Variants in CLEC6A observed in about 807,000 individuals in gnomAD.
CLEC6A encodes the protein C-type lectin domain containing 6A.
In CLEC6A, 22 loss-of-function variants were observed where a neutral mutation model predicts 25.7. That is an observed-to-expected ratio of 0.85 (90% CI 0.61 to 1.22). The LOEUF (loss-of-function observed/expected upper bound fraction) is 1.22, where lower values mean the gene tolerates loss of function less well. Ranked by LOEUF, CLEC6A falls within the 50% of genes most tolerant of loss-of-function variation. The probability of loss-of-function intolerance (pLI) is 0.00; values close to 1 mark genes in which losing one functional copy is unlikely to be tolerated. For missense variants in CLEC6A, 240 were observed against 236.8 expected, an observed-to-expected ratio of 1.01 and a Z score of -0.09; for synonymous variants, 92 against 76.7, an observed-to-expected ratio of 1.20 and a Z score of -1.04.
At chr12:8,460,041 T>C (rs2136357319) in intron 3 of CLEC6A, among the ~76,000 whole-genome samples, 1 of 152,332 alleles carries the variant, frequency 6.6e-6, no homozygotes, top group South Asian at 2.1e-4. Context: ...ATTTAAGGTT[T>C]CCAATTAATA....
chr12:8,466,720 A>G (rs1446252719), intron 4 of CLEC6A, among the ~76,000 whole-genome samples: 2 of 151,902 alleles, frequency 1.3e-5, no homozygotes, highest in Non-Finnish European at 2.9e-5. Flanking sequence ...CAGTGGCGCA[A>G]TCTCAGCTCA....
intron 4 of CLEC6A, among the ~76,000 whole-genome samples, chr12:8,468,820 C>T (rs139401380): frequency 1.7e-3 from 258 of 152,264 alleles, no homozygotes; most frequent in African/African-American, 5.4e-3. Flanking sequence ...GACAAACCTA[C>T]AGCCAACATT....
At chr12:8,467,389 A>G (rs755863153) in intron 4 of CLEC6A, among the ~76,000 whole-genome samples, 22 of 152,236 alleles carry the variant, frequency 1.4e-4, no homozygotes, top group Non-Finnish European at 1.5e-4. Context: ...TAAGGATTCA[A>G]CTTGATTATT....
intron 3 of CLEC6A, among the ~76,000 whole-genome samples, chr12:8,464,370 C>T (rs1214600404): frequency 6.6e-6 from 1 of 151,024 alleles, no homozygotes; most frequent in Non-Finnish European, 1.5e-5. Context: ...CTCTCTGTCG[C>T]CCAGGCTGGA....
intron 4 of CLEC6A, among the ~76,000 whole-genome samples, chr12:8,469,966 CA>C (rs1378286147): frequency 6.6e-6 from 1 of 152,126 alleles, no homozygotes; most frequent in Non-Finnish European, 1.5e-5. Context: ...CTTTGCACAG[CA>C]AAAGAAATAA....
chr12:8,474,059 GA>G (rs1939940390), intron 4 of CLEC6A, among the ~76,000 whole-genome samples: 1 of 152,080 alleles, frequency 6.6e-6, no homozygotes. Flanking sequence ...CTTTTGCTAA[GA>G]AGCATTTTAG....
In CLEC6A at chr12:8,459,513, G is replaced by A. The variant is rs1939724207; in HGVS notation, c.122-84G>A. The A allele has an allele frequency of 9.8e-6, 8 of 814,644 alleles. No homozygotes were observed. In the Admixed American group the frequency reaches 1.5e-4, roughly 15 times the overall value. The allele number at this position is 814,644 out of a possible 1,614,324, so 50.5% of individuals were successfully genotyped here. A position where few individuals can be genotyped will look rare whatever the true frequency, so the allele number is the denominator to read the frequency against. ...AGAGAAACAGCAGTGGGGGTCAGAG[G>A]TAAGCCAGCACTGTACAGATATAGA... On this transcript the variant is annotated intron_variant, in intron 2 of 5. Coordinates refer to ENST00000382073, the MANE Select transcript of CLEC6A (RefSeq NM_001007033.2).
chr12:8,458,018 G>A (rs1475171399), intron 2 of CLEC6A, 31 bp downstream of exon 2: 4 of 1,488,796 alleles, frequency 2.7e-6, no homozygotes, highest in Non-Finnish European at 3.8e-6. Flanking sequence ...CATTTTCCTT[G>A]CTTCCTTTCC....
chr12:8,460,640 A>T (rs1019680223), intron 3 of CLEC6A: 13 of 1,467,560 alleles, frequency 8.9e-6, no homozygotes, highest in African/African-American at 1.4e-5. Context: ...AAGTATATCC[A>T]GGAGCTATGG....
At chr12:8,462,827 T>G (rs1158183811) in intron 3 of CLEC6A, among the ~76,000 whole-genome samples, 1 of 152,012 alleles carries the variant, frequency 6.6e-6, no homozygotes, top group Non-Finnish European at 1.5e-5. Context: ...CTCTGTGTCT[T>G]TTTCTTTTCC....
At chr12:8,473,881 A>G (rs1458686106) in intron 4 of CLEC6A, among the ~76,000 whole-genome samples, 1 of 151,768 alleles carries the variant, frequency 6.6e-6, no homozygotes, top group African/African-American at 2.4e-5. Flanking sequence ...TTCTTTTGAG[A>G]AGTGTCTGTT....
chr12:8,459,552 T>A (rs766523123), intron 2 of CLEC6A, 45 bp from the exon 3 acceptor site: 5 of 1,276,842 alleles, frequency 3.9e-6, no homozygotes, highest in Non-Finnish European at 5.7e-6. Context: ...TAAGGCTTTA[T>A]AGCAAAATAA....
intron 3 of CLEC6A, chr12:8,460,957 A>G (rs1591706142): frequency 5.2e-6 from 5 of 954,118 alleles, no homozygotes; most frequent in Non-Finnish European, 8.5e-6. Flanking sequence ...TGGGGCTCTA[A>G]GAGTCCCAAA....
Position 8,476,148 on chromosome 12 carries a change from T to A in CLEC6A, c.393T>A (p.Asn131Lys). The A allele has an allele frequency of 6.2e-7, 1 of 1,609,648 alleles. No individual in the cohort carries two copies. Among genetic ancestry groups the A allele is most frequent in the Non-Finnish European group, 8.5e-7 (1 of 1,178,270 alleles). ...AEQNFIVQQL[N>K]ESFSYFLGLS... ...AGAATTTCATTGTCCAGCAGCTGAA[T>A]GAGTCATTTTCTTATTTTCTGGGGC... Residue 131 changes from asparagine (N) to lysine (K), a missense_variant, in exon 5 of 6, where the codon AAT (asparagine) becomes AAA (lysine). Physicochemically the swap from Asn to Lys is moderately conservative, Grantham distance 94. Transcript: ENST00000382073.
intron 3 of CLEC6A, among the ~76,000 whole-genome samples, chr12:8,460,119 T>C (rs991083797): frequency 2.6e-5 from 4 of 152,236 alleles, no homozygotes; most frequent in African/African-American, 9.6e-5. Context: ...GACTGATGCC[T>C]GTCCAAAATA....
rs1194856924 is a variant in CLEC6A at position 8,477,441 on chromosome 12, G to A, written c.607G>A (p.Glu203Lys). The change falls in exon 6 of 6, where the codon GAG becomes AAG. Residue 203 changes from glutamate (E) to lysine (K), a missense_variant. Glu to Lys is a moderately conservative substitution (Grantham distance 56). Transcript: ENST00000382073. ...TGAAACTAGAAGGAATTCAATATGT[G>A]AGATGAATAAGATTTACCTATGAGT... ...ICETRRNSICEMNKIYL is the reference protein window; with the variant it reads ...ICETRRNSICKMNKIYL 1 of 1,609,142 alleles carries A rather than the reference G, an allele frequency of 6.2e-7. No homozygotes were observed. The highest frequency in any genetic ancestry group is 1.7e-5 in the Admixed American group (1 of 59,318).
intron 3 of CLEC6A, chr12:8,460,881 T>G: frequency 3.4e-6 from 3 of 880,836 alleles, no homozygotes; most frequent in Non-Finnish European, 5.8e-6. Flanking sequence ...TCTATCACGG[T>G]GTTAACCAGC....
chr12:8,473,868 A>G (rs186504433), intron 4 of CLEC6A, among the ~76,000 whole-genome samples: 3 of 152,038 alleles, frequency 2.0e-5, no homozygotes, highest in African/African-American at 7.2e-5. Flanking sequence ...CTGCTTATAT[A>G]TCTTCTTTTG....
chr12:8,474,647 C>T (rs749295007), intron 4 of CLEC6A, among the ~76,000 whole-genome samples: 5 of 152,110 alleles, frequency 3.3e-5, no homozygotes, highest in African/African-American at 4.8e-5. Flanking sequence ...CAGGAAGCCT[C>T]GGGGCAATAC....
Sources: gnomAD v4.1 joint callset for allele counts (sites outside exome capture counted in the v4.1 genomes callset) on GRCh38, gnomAD v4.1.1 for gene constraint, MANE v1.5 for transcripts, NCBI Gene and HGNC (gene_info 2026-07-23, HGNC 2026-07-21) for gene names.